The following CIROZ variants were observed in gnomAD, a reference collection of about 807,000 sequenced individuals.
CIROZ encodes the protein ciliated left-right organizer ZP-N domains-containing protein.
At chr1:10,952,095 CAAG>C in the CIROZ span, among the ~76,000 whole-genome samples, 1 of 152,046 alleles carries the variant, frequency 6.6e-6, no homozygotes, top group South Asian at 2.1e-4. Flanking sequence ...TAAGGCCTGT[CAAG>C]AATAAGAAGC....
the CIROZ span, chr1:10,948,172 G>A: frequency 6.2e-7 from 1 of 1,613,724 alleles, no homozygotes. Context: ...GAGAGTCCCG[G>A]CCCCTCTATG....
chr1:10,965,436 A>T, the CIROZ span, among the ~76,000 whole-genome samples: 1 of 152,076 alleles, frequency 6.6e-6, no homozygotes, highest in Non-Finnish European at 1.5e-5. Context: ...AATTTAAGTA[A>T]CAAGAATGCT....
chr1:10,964,906 C>G, the CIROZ span, among the ~76,000 whole-genome samples: 23 of 152,228 alleles, frequency 1.5e-4, no homozygotes, highest in African/African-American at 5.3e-4. Context: ...GCTGGGATTA[C>G]AGGCGTGAGC....
the CIROZ span, among the ~76,000 whole-genome samples, chr1:10,964,848 G>C: frequency 0.019 from 2,882 of 152,256 alleles, 110 homozygotes; most frequent in African/African-American, 0.066. Context: ...CCAGGCTGGT[G>C]TTGAACTCCT....
chr1:10,971,371 T>C, the CIROZ span, among the ~76,000 whole-genome samples: 1 of 151,690 alleles, frequency 6.6e-6, no homozygotes, highest in Admixed American at 6.6e-5. Context: ...AATGAGATCA[T>C]GTCAGTCCCT....
chr1:10,963,438 G>A, the CIROZ span, among the ~76,000 whole-genome samples: 1 of 151,668 alleles, frequency 6.6e-6, no homozygotes. Context: ...ACTAAATGAA[G>A]GAATGAGTAA....
the CIROZ span, chr1:10,970,134 GAGGAAGGA>G: frequency 7.8e-6 from 11 of 1,414,152 alleles, no homozygotes; most frequent in Non-Finnish European, 8.5e-6. Flanking sequence ...GGAAGGGAGG[GAGGAAGGA>G]AGGAAGGAAG....
the CIROZ span, among the ~76,000 whole-genome samples, chr1:10,963,071 C>T: frequency 2.0e-5 from 3 of 150,038 alleles, no homozygotes; most frequent in East Asian, 2.0e-4. Context: ...AGTGAGCCTG[C>T]GTGACGGAGC....
At chr1:10,951,083 C>G in the CIROZ span, among the ~76,000 whole-genome samples, 1 of 152,116 alleles carries the variant, frequency 6.6e-6, no homozygotes, top group African/African-American at 2.4e-5. Context: ...ACTGTCCCGC[C>G]GCTGACATTC....
chr1:10,956,848 A>G, the CIROZ span, among the ~76,000 whole-genome samples: 1 of 152,162 alleles, frequency 6.6e-6, no homozygotes, highest in African/African-American at 2.4e-5. Flanking sequence ...ACCTTCCAGC[A>G]AAAGCAAACT....
the CIROZ span, chr1:10,948,567 G>A: frequency 3.2e-5 from 51 of 1,614,068 alleles, no homozygotes; most frequent in African/African-American, 1.5e-4. Flanking sequence ...TTCAGGCCTC[G>A]GGGCTGGCGG....
At chr1:10,951,446 C>A in the CIROZ span, among the ~76,000 whole-genome samples, 1 of 151,048 alleles carries the variant, frequency 6.6e-6, no homozygotes, top group Non-Finnish European at 1.5e-5. Flanking sequence ...ACTTGTAATC[C>A]CAGCTACTCG....
At chr1:10,979,016 G>A in the CIROZ span, among the ~76,000 whole-genome samples, 1 of 151,966 alleles carries the variant, frequency 6.6e-6, no homozygotes, top group Non-Finnish European at 1.5e-5. Flanking sequence ...TTGAGACTGA[G>A]TATCTCACTC....
the CIROZ span, among the ~76,000 whole-genome samples, chr1:10,974,398 G>A: frequency 6.6e-6 from 1 of 152,008 alleles, no homozygotes; most frequent in Admixed American, 6.5e-5. The surrounding 1 kb of genome is among the most constrained non-coding windows in gnomAD (Gnocchi z 4.4). Flanking sequence ...ACGACCAGTG[G>A]GCAGAGAAAA....
chr1:10,957,292 T>A, the CIROZ span, among the ~76,000 whole-genome samples: 1 of 152,210 alleles, frequency 6.6e-6, no homozygotes, highest in Admixed American at 6.5e-5. Context: ...AGCTGAGATA[T>A]TTTTAGCAGG....
At chr1:10,958,812 T>C in the CIROZ span, 1 of 1,579,766 alleles carries the variant, frequency 6.3e-7, no homozygotes, top group Non-Finnish European at 8.7e-7. Context: ...TGAGCAAACA[T>C]CCCTGCCTGT....
At chr1:10,950,254 C>T in the CIROZ span, among the ~76,000 whole-genome samples, 3 of 152,076 alleles carry the variant, frequency 2.0e-5, no homozygotes, top group South Asian at 4.2e-4. Context: ...AGGCTGGTCT[C>T]GAACTCCCGA....
chr1:10,959,056 C>T, the CIROZ span, among the ~76,000 whole-genome samples: 4 of 152,236 alleles, frequency 2.6e-5, no homozygotes, highest in South Asian at 2.1e-4. The surrounding 1 kb of genome is among the most constrained non-coding windows in gnomAD (Gnocchi z 4.3). Flanking sequence ...ACCCTGCTCA[C>T]GGCCCACTTC....
chr1:10,952,511 A>AT, the CIROZ span, among the ~76,000 whole-genome samples: 8 of 152,020 alleles, frequency 5.3e-5, no homozygotes, highest in Admixed American at 2.0e-4. Context: ...TTCTCTGGGC[A>AT]TTTTTTTGGT....
Sources: gnomAD v4.1 joint callset for allele counts (sites outside exome capture counted in the v4.1 genomes callset) on GRCh38, gnomAD v4.1.1 for gene constraint, Gnocchi (gnomAD v3.1) non-coding constraint, MANE v1.5 for transcripts, NCBI Gene and HGNC (gene_info 2026-07-23, HGNC 2026-07-21) for gene names.